Variants in PDLIM5 observed in about 807,000 individuals in gnomAD.
The protein encoded by PDLIM5 is PDZ and LIM domain protein 5.
PDLIM5 carries 34 observed loss-of-function variants against 64.2 expected under a neutral mutation model. The ratio of observed to expected loss-of-function variants is 0.53; its 90% CI spans 0.40 to 0.71. The LOEUF (loss-of-function observed/expected upper bound fraction) is 0.71, where lower values mean the gene tolerates loss of function less well. PDLIM5 is among the 30% of genes least tolerant of loss of function. PDLIM5 has a pLI of 0.00. For synonymous variants in PDLIM5, 253 were observed against 269.1 expected (o/e 0.94, Z 0.59); for missense variants, 683 against 733.6 (o/e 0.93, Z 0.80).
chr4:94,626,507 G>A (rs555618735), intron 8 of PDLIM5, among the ~76,000 whole-genome samples: 1 of 152,214 alleles, frequency 6.6e-6, no homozygotes, highest in African/African-American at 2.4e-5. Context: ...TATTTAAGGA[G>A]GACTGTATCT....
chr4:94,554,188 C>T (rs1267744316), intron 3 of PDLIM5, among the ~76,000 whole-genome samples: 2 of 152,140 alleles, frequency 1.3e-5, no homozygotes, highest in African/African-American at 4.8e-5. Flanking sequence ...GGCCATCTTC[C>T]ATCCAGAGAC....
chr4:94,639,977 A>C (rs930468536), intron 8 of PDLIM5, among the ~76,000 whole-genome samples: 2 of 151,996 alleles, frequency 1.3e-5, no homozygotes, highest in African/African-American at 4.8e-5. Flanking sequence ...CAGTGAGCCG[A>C]GATCATGCCA....
At chr4:94,654,412 C>G (rs774295034) in intron 9 of PDLIM5, 48 bp from the exon 10 acceptor site, 1 of 1,258,792 alleles carries the variant, frequency 7.9e-7, no homozygotes, top group African/African-American at 1.5e-5. Context: ...CAGGCTAACT[C>G]TAGAAATTTT....
At chr4:94,454,325 GTTTT>G (rs775434642) in intron 1 of PDLIM5, among the ~76,000 whole-genome samples, 2 of 121,916 alleles carry the variant, frequency 1.6e-5, no homozygotes, top group African/African-American at 3.0e-5. Flanking sequence ...GAAACTCGAA[GTTTT>G]TTTTTTTTTT....
In PDLIM5 at chr4:94,575,841, C is replaced by A. The variant is rs750051904; in HGVS notation, c.517C>A (p.Leu173Met). The A allele has an allele frequency of 6.2e-7, 1 of 1,614,212 alleles. No individual in the cohort carries two copies. Among genetic ancestry groups the A allele is most frequent in the South Asian group, 1.1e-5 (1 of 91,088 alleles). The part of the protein sequence containing the change: ...PSPVAAVTPP[L>M]FAASGLHANA... ...ACCCGTGGCTGCCGTCACTCCTCCC[C>A]TGTTCGCTGCATCTGGACTGCATGC... The change falls in exon 5 of 13, where the codon CTG (leucine) becomes ATG (methionine). Residue 173 changes from leucine to methionine, a missense_variant. By Grantham distance (15) the Leu-to-Met change is conservative (BLOSUM62 2). Coordinates refer to ENST00000317968, the MANE Select transcript of PDLIM5 (RefSeq NM_006457.5).
intron 7 of PDLIM5, among the ~76,000 whole-genome samples, chr4:94,596,308 A>G (rs1737064203): frequency 6.6e-6 from 1 of 152,172 alleles, no homozygotes; most frequent in Non-Finnish European, 1.5e-5. Flanking sequence ...TGTTCGTAAT[A>G]TGCCAAGTTG....
At chr4:94,635,590 G>T (rs1408389575) in intron 8 of PDLIM5, among the ~76,000 whole-genome samples, 1 of 152,174 alleles carries the variant, frequency 6.6e-6, no homozygotes, top group Non-Finnish European at 1.5e-5. Context: ...CATTTTAGAG[G>T]TCAATGTGCT....
chr4:94,474,659 T>A (rs190964725), intron 2 of PDLIM5, among the ~76,000 whole-genome samples: 50 of 152,268 alleles, frequency 3.3e-4, no homozygotes, highest in African/African-American at 1.2e-3. Context: ...AAAATTTTAT[T>A]TCTTATTTGT....
At chr4:94,497,236 T>A (rs1727480664) in intron 2 of PDLIM5, among the ~76,000 whole-genome samples, 1 of 152,190 alleles carries the variant, frequency 6.6e-6, no homozygotes, top group Non-Finnish European at 1.5e-5. Flanking sequence ...GGCTTTTGTA[T>A]CCCTAATGAT....
chr4:94,492,407 A>G (rs1004695221), intron 2 of PDLIM5, among the ~76,000 whole-genome samples: 4 of 152,266 alleles, frequency 2.6e-5, no homozygotes, highest in Middle Eastern at 6.8e-3. Flanking sequence ...GGTGAAGTTT[A>G]CATAACATGA....
intron 8 of PDLIM5, among the ~76,000 whole-genome samples, chr4:94,619,228 A>C (rs1739024301): frequency 6.6e-6 from 1 of 152,202 alleles, no homozygotes; most frequent in South Asian, 2.1e-4. Context: ...CTGTGTCATC[A>C]GAGCCATTGC....
At chr4:94,645,505 T>G (rs1319522371) in intron 9 of PDLIM5, among the ~76,000 whole-genome samples, 1 of 152,220 alleles carries the variant, frequency 6.6e-6, no homozygotes, top group African/African-American at 2.4e-5. Context: ...GGTTAAATAG[T>G]AGAGCCAGGG....
At chr4:94,559,225 C>G (rs1390960845) in intron 3 of PDLIM5, among the ~76,000 whole-genome samples, 1 of 152,156 alleles carries the variant, frequency 6.6e-6, no homozygotes, top group Non-Finnish European at 1.5e-5. Context: ...TGAACATAGG[C>G]TACAGCAAGT....
chr4:94,462,760 G>T (rs6845473), intron 2 of PDLIM5, among the ~76,000 whole-genome samples: 1 of 152,106 alleles, frequency 6.6e-6, no homozygotes, highest in Non-Finnish European at 1.5e-5. Flanking sequence ...AGACACTCCT[G>T]CTCATAATAT....
chr4:94,534,242 ATAT>A (rs1335184982), intron 3 of PDLIM5, among the ~76,000 whole-genome samples: 2 of 152,206 alleles, frequency 1.3e-5, no homozygotes, highest in African/African-American at 4.8e-5. Context: ...ATATTCATGT[ATAT>A]TCCCTTTAAA....
intron 3 of PDLIM5, among the ~76,000 whole-genome samples, chr4:94,539,083 G>GTCAGTACAAGTACTC (rs1187397708): frequency 3.0e-4 from 46 of 152,190 alleles, no homozygotes; most frequent in African/African-American, 1.1e-3. Flanking sequence ...CAAGTAATAA[G>GTCAGTACAAGTACTC]TCAGTACAAG....
chr4:94,557,913 G>A (rs9307144), intron 3 of PDLIM5, among the ~76,000 whole-genome samples: 29,354 of 152,036 alleles, frequency 0.19, 3,120 homozygotes, highest in African/African-American at 0.28. Flanking sequence ...TCTCCTGCCT[G>A]ATTGCCCTGG....
At chr4:94,457,137 A>G in intron 2 of PDLIM5, 1 of 941,722 alleles carries the variant, frequency 1.1e-6, no homozygotes, top group Non-Finnish European at 1.3e-6. Flanking sequence ...AAGATTAAAA[A>G]TAAGTTTGTA....
intron 3 of PDLIM5, among the ~76,000 whole-genome samples, chr4:94,553,891 T>C (rs952828783): frequency 2.6e-5 from 4 of 152,222 alleles, no homozygotes; most frequent in African/African-American, 9.6e-5. Flanking sequence ...TTGTGGGAAA[T>C]GTGAAAATAT....
Sources: gnomAD v4.1 joint callset for allele counts (sites outside exome capture counted in the v4.1 genomes callset) on GRCh38, gnomAD v4.1.1 for gene constraint, MANE v1.5 for transcripts, NCBI Gene and HGNC (gene_info 2026-07-23, HGNC 2026-07-21) for gene names.